HMCN2: variants seen among roughly 807,000 people sequenced by gnomAD.
HMCN2 encodes the protein hemicentin 2, also known as hemicentin-2.
In HMCN2, 325 loss-of-function variants were observed where a neutral mutation model predicts 377.5. The observed-to-expected ratio is 0.86, with a 90% CI of 0.79 to 0.94. The LOEUF (loss-of-function observed/expected upper bound fraction) is 0.94. Among genes scored for constraint, HMCN2 ranks in the 40% least tolerant of loss-of-function variants. HMCN2 has a pLI of 0.00. For synonymous variants in HMCN2, 2,007 were observed against 2,046.8 expected, an observed-to-expected ratio of 0.98 and a Z score of 0.53; for missense variants, 4,543 against 4,725.3, an observed-to-expected ratio of 0.96 and a Z score of 1.13.
At chr9:130,410,785 C>T (rs7861815) in intron 85 of HMCN2, 133 bp downstream of exon 85, 155,993 of 758,704 alleles carry the variant, frequency 0.21, 17,917 homozygotes, top group East Asian at 0.36. Context: ...GGAACACACA[C>T]TGAATCCTAC....
At chr9:130,403,074 G>A (rs1018009617) in intron 78 of HMCN2, 120 bp from the exon 79 acceptor site, 15 of 1,089,862 alleles carry the variant, frequency 1.4e-5, no homozygotes, top group African/African-American at 1.1e-4. Flanking sequence ...TGCTGTGGCC[G>A]ATGTTTCTAG....
intron 85 of HMCN2, among the ~76,000 whole-genome samples, chr9:130,412,571 T>TTTTA (rs1261303468): frequency 2.7e-5 from 4 of 149,932 alleles, no homozygotes; most frequent in Non-Finnish European, 5.9e-5. Flanking sequence ...CTTTCTCTTT[T>TTTTA]TTTTTTTTTG....
intron 43 of HMCN2, among the ~76,000 whole-genome samples, chr9:130,366,466 A>ATTT (rs1564821371): frequency 2.1e-4 from 18 of 84,816 alleles, no homozygotes; most frequent in Non-Finnish European, 3.3e-4. Context: ...TCACTTCACC[A>ATTT]ATTTTTTTTT....
intron 77 of HMCN2, among the ~76,000 whole-genome samples, chr9:130,402,060 G>C (rs1344036082): frequency 2.0e-5 from 3 of 152,204 alleles, no homozygotes; most frequent in Non-Finnish European, 4.4e-5. Context: ...CTGGGCAACA[G>C]AGTGAGACTC....
Position 130,360,676 on chromosome 9 carries a change from T to TCCATCCACCTG in HMCN2, c.5950+73_5950+83dup, listed in dbSNP as rs1840332778. 2.1e-6 allele frequency: 2 copies of TCCATCCACCTG among 939,618 alleles called. No individual in the cohort carries two copies. The highest frequency in any genetic ancestry group is 3.3e-5 in the South Asian group (2 of 60,736). 58.2% of individuals were successfully genotyped at this position (939,618 alleles called of 1,614,324 possible). A position where few individuals can be genotyped will look rare whatever the true frequency, so the allele number is the denominator to read the frequency against. On this transcript the variant is annotated intron_variant, in intron 38 of 97. Coordinates refer to ENST00000683500, the MANE Select transcript of HMCN2 (RefSeq NM_001291815.2). The surrounding 1 kb of genome is among the most constrained non-coding windows in gnomAD (Gnocchi z 4.7). ...TTTCATTCATTTGTCTATTAGTCTG[T>TCCATCCACCTG]CCATCCACCTGTCCACTCATCCATC...
intron 4 of HMCN2, among the ~76,000 whole-genome samples, chr9:130,291,233 G>T (rs1420218324): frequency 6.6e-6 from 1 of 152,246 alleles, no homozygotes; most frequent in South Asian, 2.1e-4. Context: ...GTTTGTGATG[G>T]AGTTTTGCTC....
intron 36 of HMCN2, 55 bp from the exon 37 acceptor site, chr9:130,359,264 A>T: frequency 1.0e-6 from 1 of 982,166 alleles, no homozygotes; most frequent in Non-Finnish European, 1.4e-6. Context: ...GGCTGGGATT[A>T]GAGCTGCCCA....
At chr9:130,364,930 G>A in intron 41 of HMCN2, 41 bp downstream of exon 41, 1 of 982,308 alleles carries the variant, frequency 1.0e-6, no homozygotes, top group Non-Finnish European at 1.2e-6. Context: ...CTCCACCTCG[G>A]CCCAAGGGCA....
chr9:130,372,503 G>A (rs1250313840), intron 47 of HMCN2, 96 bp downstream of exon 47: 1 of 259,934 alleles, frequency 3.8e-6, no homozygotes, highest in Non-Finnish European at 6.0e-6. Context: ...GGCTCATGCT[G>A]TAGCAGGGGC....
chr9:130,314,302 G>A (rs1837425994), intron 15 of HMCN2, among the ~76,000 whole-genome samples: 2 of 152,218 alleles, frequency 1.3e-5, no homozygotes, highest in South Asian at 2.1e-4. Flanking sequence ...ATCAGGCATA[G>A]CAGGCACTGG....
In HMCN2 at chr9:130,365,721, G is replaced by A. The variant is rs988045008; in HGVS notation, c.6499G>A (p.Val2167Ile). 1.2e-5 allele frequency: 12 copies of A among 985,876 alleles called. No homozygotes were observed. In the African/African-American group the frequency reaches 1.2e-4, roughly 10 times the overall value. The allele number at this position is 985,876 out of a possible 1,614,324, so 61.1% of individuals were successfully genotyped here. ...CTCAGAGAAACACTACAATCTGAACGTCTGGGGTGAGGGTCTCCCAGGCTG... is the reference window on the plus strand; with the variant it reads ...CTCAGAGAAACACTACAATCTGAACATCTGGGGTGAGGGTCTCCCAGGCTG... The part of the protein sequence containing the change: ...GHSEKHYNLN[V>I]WVAPVFPLRE... Residue 2167 changes from valine (V) to isoleucine (I), a missense_variant, in exon 42 of 98, where the codon GTC (valine) becomes ATC (isoleucine). Transcript: ENST00000683500.
intron 80 of HMCN2, among the ~76,000 whole-genome samples, chr9:130,404,556 T>C (rs569331254): frequency 2.1e-4 from 32 of 152,328 alleles, no homozygotes; most frequent in African/African-American, 7.7e-4. Context: ...TAGTACAAGG[T>C]CCAAGTGGAC....
chr9:130,267,726 T>G (rs1588145057), intron 1 of HMCN2, among the ~76,000 whole-genome samples: 1 of 152,136 alleles, frequency 6.6e-6, no homozygotes, highest in African/African-American at 2.4e-5. Flanking sequence ...CACCACAGGG[T>G]TTTGCAGCTC....
At chr9:130,404,189 A>G (rs2131726850) in intron 80 of HMCN2, among the ~76,000 whole-genome samples, 2 of 152,262 alleles carry the variant, frequency 1.3e-5, no homozygotes, top group Non-Finnish European at 2.9e-5. Flanking sequence ...TTGATCAATC[A>G]TTGGCTTCAA....
Position 130,384,810 on chromosome 9 carries a change from T to C in HMCN2, c.9106+12T>C, listed in dbSNP as rs1841927970. ...GCTCAGTGTTCTGGGTATGTCCATGTCTGTCCCCAACTTGTACTGTCCCCA... is the reference window on the plus strand; with the variant it reads ...GCTCAGTGTTCTGGGTATGTCCATGCCTGTCCCCAACTTGTACTGTCCCCA... On this transcript the variant is annotated intron_variant, in intron 59 of 97. Transcript: ENST00000683500. 1 of 1,296,880 alleles carries C rather than the reference T, an allele frequency of 7.7e-7. No individual in the cohort carries two copies. Among genetic ancestry groups the C allele is most frequent in the Non-Finnish European group, 1.0e-6 (1 of 983,324 alleles). 80.3% of individuals were successfully genotyped at this position (1,296,880 alleles called of 1,614,324 possible). A position where few individuals can be genotyped will look rare whatever the true frequency, so the allele number is the denominator to read the frequency against.
chr9:130,404,379 G>A (rs7024525), intron 80 of HMCN2, among the ~76,000 whole-genome samples: 106,528 of 152,092 alleles, frequency 0.7, 38,291 homozygotes, highest in Non-Finnish European at 0.8. Context: ...CCTGGCTCCA[G>A]GATTCCTCCG....
intron 91 of HMCN2, 59 bp from the exon 92 acceptor site, chr9:130,427,438 C>T (rs934203201): frequency 3.4e-5 from 53 of 1,550,222 alleles, no homozygotes; most frequent in Non-Finnish European, 4.4e-5. Context: ...GATGGCTTCT[C>T]CCAGCCAGCT....
At chr9:130,372,988 G>GCCCCCCCCCCCCCCCCCC in intron 47 of HMCN2, 50 bp from the exon 48 acceptor site, 1 of 124,112 alleles carries the variant, frequency 8.1e-6, no homozygotes, top group African/African-American at 3.0e-5. Flanking sequence ...GGGCGGGCCA[G>GCCCCCCCCCCCCCCCCCC]CCCCCCCCCC....
rs777486287 is a variant in HMCN2 at position 130,395,235 on chromosome 9, G to A, written c.10799G>A (p.Arg3600Gln). 12 of 1,289,038 alleles carry A rather than the reference G, an allele frequency of 9.3e-6. No homozygotes were observed. The highest frequency in any genetic ancestry group is 6.2e-5 in the South Asian group (5 of 80,918). 79.9% of individuals were successfully genotyped at this position (1,289,038 alleles called of 1,614,324 possible). Residue 3600 changes from arginine (R) to glutamine (Q), a missense_variant, in exon 71 of 98, where the codon CGA becomes CAA. Coordinates refer to ENST00000683500, the MANE Select transcript of HMCN2 (RefSeq NM_001291815.2). ...VQAPPNIVGPRGPRFVVGLAP... is the reference protein window; with the variant it reads ...VQAPPNIVGPQGPRFVVGLAP... ...GCCCCTCCAAACATTGTTGGGCCCC[G>A]AGGCCCCCGCTTTGTGGTCGGCCTG...
Sources: allele counts gnomAD v4.1 joint callset (sites outside exome capture counted in the v4.1 genomes callset), GRCh38; gene constraint gnomAD v4.1.1; non-coding constraint Gnocchi (gnomAD v3.1); transcripts MANE v1.5; gene names NCBI Gene and HGNC (gene_info 2026-07-23, HGNC 2026-07-21).